The following IQGAP2 variants were observed in gnomAD, a reference collection of about 807,000 sequenced individuals.
IQGAP2 encodes ras GTPase-activating-like protein IQGAP2.
IQGAP2 carries 173 observed loss-of-function variants against 201.3 expected under a neutral mutation model. The observed-to-expected ratio is 0.86, with a 90% CI of 0.76 to 0.98. The LOEUF (loss-of-function observed/expected upper bound fraction) is 0.98, where lower values mean the gene tolerates loss of function less well. Among genes scored for constraint, IQGAP2 ranks in the 50% least tolerant of loss-of-function variants. IQGAP2 has a pLI of 0.00. For missense variants in IQGAP2, 1,687 were observed against 1,864.8 expected (o/e 0.90, Z 1.76); for synonymous variants, 675 against 673.9 (o/e 1.00, Z -0.03).
chr5:76,618,541 A>C, intron 13 of IQGAP2: 1 of 1,614,160 alleles, frequency 6.2e-7, no homozygotes, highest in Non-Finnish European at 8.5e-7. Context: ...CAGCCTTCCA[A>C]GGCAGAAAAG....
chr5:76,506,152 A>T (rs991947417), intron 2 of IQGAP2, among the ~76,000 whole-genome samples: 7 of 152,240 alleles, frequency 4.6e-5, no homozygotes, highest in African/African-American at 1.7e-4. Context: ...AGCACTACAG[A>T]TTTTCAAACC....
chr5:76,460,189 G>C (rs1406920056), intron 1 of IQGAP2, among the ~76,000 whole-genome samples: 1 of 152,152 alleles, frequency 6.6e-6, no homozygotes, highest in Non-Finnish European at 1.5e-5. Context: ...GTGAACTAAA[G>C]TGCCAAGGAG....
chr5:76,707,350 G>A lies in IQGAP2; in HGVS notation c.*37G>A, dbSNP rs563541273. The A allele has an allele frequency of 6.0e-5, 53 of 876,732 alleles. No individual in the cohort carries two copies. The South Asian group carries it at 7.0e-4, about 12-fold the overall frequency. The allele number at this position is 876,732 out of a possible 1,614,324, so 54.3% of individuals were successfully genotyped here. A position where few individuals can be genotyped will look rare whatever the true frequency, so the allele number is the denominator to read the frequency against. ...AAATTTCTTGGATTCTGTATCATCT[G>A]GATTAGGAAATGAATTTGTTTAATA... On this transcript the variant is annotated 3_prime_UTR_variant, in exon 36 of 36. Coordinates refer to ENST00000274364, the MANE Select transcript of IQGAP2 (RefSeq NM_006633.5).
At chr5:76,550,652 G>C (rs1743395248) in intron 2 of IQGAP2, among the ~76,000 whole-genome samples, 1 of 152,200 alleles carries the variant, frequency 6.6e-6, no homozygotes, top group Non-Finnish European at 1.5e-5. Flanking sequence ...ACATGTTTCA[G>C]AGAGCACGGG....
rs147612919 is a variant in IQGAP2 at position 76,651,106 on chromosome 5, A to G, written c.2095-1644A>G. ...ATGCTTTCTTTGTCCACCGATTGAC[A>G]TATGGATAAGGCAAGAATTTTCCCA... On this transcript the variant is annotated intron_variant, in intron 17 of 35. Transcript: ENST00000274364. Among the ~76,000 whole-genome samples the G allele has an allele frequency of 2.2e-4, 33 of 152,290 alleles. 1 individual carries two copies. In the East Asian group the frequency reaches 6.4e-3, roughly 29 times the overall value.
intron 11 of IQGAP2, among the ~76,000 whole-genome samples, chr5:76,604,048 A>G (rs192042921): frequency 1.3e-5 from 2 of 152,088 alleles, no homozygotes; most frequent in Non-Finnish European, 2.9e-5. Flanking sequence ...TTACATAGGT[A>G]TACAAGTGCC....
At chr5:76,667,069 A>C (rs529702501) in intron 22 of IQGAP2, among the ~76,000 whole-genome samples, 77 of 152,284 alleles carry the variant, frequency 5.1e-4, no homozygotes, top group Non-Finnish European at 7.8e-4. Flanking sequence ...TCTTAACCAA[A>C]GCCGCAGTCA....
chr5:76,566,034 C>T (rs986203120), intron 3 of IQGAP2, among the ~76,000 whole-genome samples: 2 of 152,052 alleles, frequency 1.3e-5, no homozygotes, highest in Non-Finnish European at 2.9e-5. Context: ...AATTGCAATA[C>T]AGTTGTAGGG....
rs188900533 is a variant in IQGAP2, at chr5:76,485,897, G to A, written c.146+24228G>A. On this transcript the variant is annotated intron_variant, in intron 2 of 35. Transcript: ENST00000274364. ...TATTTCAAGTACATTTTAACTTTGA[G>A]TCTTAATTTTATTTTTTTCCACAGC... 8.1e-4 allele frequency among the ~76,000 whole-genome samples: 123 copies of A among 152,264 alleles called. 1 individual carries two copies. In the South Asian group the frequency reaches 0.017, roughly 22 times the overall value.
intron 2 of IQGAP2, among the ~76,000 whole-genome samples, chr5:76,504,092 G>A (rs151039057): frequency 1.4e-4 from 22 of 152,152 alleles, no homozygotes; most frequent in Non-Finnish European, 2.9e-4. Flanking sequence ...CTTTGGCAGC[G>A]GCCTTGACTT....
intron 13 of IQGAP2, chr5:76,617,423 C>A (rs1400047555): frequency 1.6e-6 from 1 of 622,546 alleles, no homozygotes; most frequent in East Asian, 2.8e-5. Context: ...GACTCAGTCT[C>A]AAAAACAAAC....
At chr5:76,568,866 G>A (rs1166877131) in intron 3 of IQGAP2, among the ~76,000 whole-genome samples, 1 of 152,152 alleles carries the variant, frequency 6.6e-6, no homozygotes, top group African/African-American at 2.4e-5. Context: ...GTTGGAAGAG[G>A]GGGACATTAT....
chr5:76,513,385 A>T (rs1459524574), intron 2 of IQGAP2, among the ~76,000 whole-genome samples: 1 of 152,092 alleles, frequency 6.6e-6, no homozygotes, highest in Non-Finnish European at 1.5e-5. Flanking sequence ...CCAAAACACC[A>T]CTCTTGATAG....
At chr5:76,614,948 C>T (rs1748795582) in intron 13 of IQGAP2, among the ~76,000 whole-genome samples, 1 of 152,096 alleles carries the variant, frequency 6.6e-6, no homozygotes, top group African/African-American at 2.4e-5. Flanking sequence ...GAATGGCTGC[C>T]CAGTTTTGTC....
At position 76,692,672 on chromosome 5, in the gene IQGAP2, T is replaced by C. The variant is rs145499536; in HGVS notation, c.3906-683T>C. Among the ~76,000 whole-genome samples the C allele has an allele frequency of 2.2e-3, 338 of 152,318 alleles. 2 individuals carry two copies. Among genetic ancestry groups the C allele is most frequent in the African/African-American group, 7.6e-3 (318 of 41,574 alleles). ...GAAGAATTTTCCAGCTCTTTACTGTTTACTGAGAAGCTCTTCTATTCTCTT... is the reference window on the plus strand; with the variant it reads ...GAAGAATTTTCCAGCTCTTTACTGTCTACTGAGAAGCTCTTCTATTCTCTT... On this transcript the variant is annotated intron_variant, in intron 30 of 35. Transcript: ENST00000274364.
intron 2 of IQGAP2, among the ~76,000 whole-genome samples, chr5:76,488,177 A>C (rs563619773): frequency 6.6e-6 from 1 of 152,354 alleles, no homozygotes; most frequent in Non-Finnish European, 1.5e-5. Flanking sequence ...GGGACTTGGT[A>C]ACTGATAGCT....
intron 1 of IQGAP2, among the ~76,000 whole-genome samples, chr5:76,430,722 C>T (rs776693776): frequency 5.3e-5 from 8 of 152,076 alleles, no homozygotes; most frequent in East Asian, 1.9e-4. Context: ...TCATGCTACA[C>T]CATGGTGCTA....
At chr5:76,564,700 G>T (rs1356323049) in intron 3 of IQGAP2, among the ~76,000 whole-genome samples, 5 of 152,210 alleles carry the variant, frequency 3.3e-5, no homozygotes, top group African/African-American at 1.2e-4. Flanking sequence ...CGCAATTTCT[G>T]GTTATGGAAT....
intron 1 of IQGAP2, among the ~76,000 whole-genome samples, chr5:76,437,030 G>A (rs573379235): frequency 2.0e-5 from 3 of 152,006 alleles, no homozygotes; most frequent in African/African-American, 7.2e-5. Flanking sequence ...CTGGGTTGAA[G>A]CCCCTTGATT....
Sources: gnomAD v4.1 joint callset for allele counts (sites outside exome capture counted in the v4.1 genomes callset) on GRCh38, gnomAD v4.1.1 for gene constraint, MANE v1.5 for transcripts, NCBI Gene and HGNC (gene_info 2026-07-23, HGNC 2026-07-21) for gene names.